RORB: variants seen among roughly 807,000 people sequenced by gnomAD.
RORB encodes the protein RAR related orphan receptor B.
RORB carries 6 observed loss-of-function variants against 59.1 expected under a neutral mutation model. The ratio of observed to expected loss-of-function variants is 0.10; its 90% CI spans 0.06 to 0.20. The LOEUF (loss-of-function observed/expected upper bound fraction) is 0.20. RORB is among the 10% of genes least tolerant of loss of function. RORB has a pLI of 1.00. For missense variants in RORB, 320 were observed against 560.5 expected, an observed-to-expected ratio of 0.57 and a Z score of 4.33; for synonymous variants, 215 against 204.5, an observed-to-expected ratio of 1.05 and a Z score of -0.44.
intron 1 of RORB, among the ~76,000 whole-genome samples, chr9:74,502,647 A>G (rs1415336577): frequency 1.3e-5 from 2 of 152,118 alleles, no homozygotes; most frequent in East Asian, 1.9e-4. Context: ...TAAAAATTAT[A>G]TATGCATGGG....
chr9:74,663,615 A>G (rs1430592972), intron 6 of RORB, among the ~76,000 whole-genome samples: 2 of 152,214 alleles, frequency 1.3e-5, no homozygotes, highest in African/African-American at 2.4e-5. Context: ...TCTCAAAGCT[A>G]CAATTTGGGC....
chr9:74,628,594 C>A (rs1324586826), intron 1 of RORB, among the ~76,000 whole-genome samples: 1 of 151,920 alleles, frequency 6.6e-6, no homozygotes, highest in East Asian at 1.9e-4. Flanking sequence ...ATGTACTGCC[C>A]TAAAGCTAAG....
At chr9:74,642,094 T>G (rs888967594) in intron 3 of RORB, among the ~76,000 whole-genome samples, 9 of 152,208 alleles carry the variant, frequency 5.9e-5, no homozygotes, top group Non-Finnish European at 1.3e-4. Context: ...TTTGGTTTTT[T>G]GCATTTTTTT....
chr9:74,626,986 A>AC (rs1823530178), intron 1 of RORB, among the ~76,000 whole-genome samples: 1 of 151,962 alleles, frequency 6.6e-6, no homozygotes, highest in Admixed American at 6.6e-5. Flanking sequence ...ACATGGTGAA[A>AC]CCCCGTCTCT....
At chr9:74,656,534 G>A (rs1009967710) in intron 4 of RORB, among the ~76,000 whole-genome samples, 1 of 152,162 alleles carries the variant, frequency 6.6e-6, no homozygotes, top group African/African-American at 2.4e-5. Context: ...TCAAGAGTTC[G>A]AGAACAGCCT....
intron 1 of RORB, among the ~76,000 whole-genome samples, chr9:74,588,242 A>G (rs1822836286): frequency 6.6e-6 from 1 of 152,158 alleles, no homozygotes; most frequent in Non-Finnish European, 1.5e-5. Context: ...GTGAGACTCA[A>G]TTTCCTCGCC....
At position 74,665,576 on chromosome 9, in the gene RORB, G is replaced by A; in HGVS notation, c.981G>A (p.Met327Ile). Residue 327 changes from methionine (M) to isoleucine (I), a missense_variant, in exon 7 of 10, where the codon ATG (methionine) becomes ATA (isoleucine). By Grantham distance (10) the Met-to-Ile change is conservative. Coordinates refer to ENST00000376896, the MANE Select transcript of RORB (RefSeq NM_006914.4). ...TVLFEGKYGG[M>I]QMFKALGSDD... ...TGTTTGAAGGAAAATATGGAGGAAT[G>A]CAAATGTTCAAAGCCTTAGGTAAGT... is the stretch of plus-strand genomic sequence containing the variant. The A allele has an allele frequency of 1.2e-6, 2 of 1,611,234 alleles. No homozygotes were observed. Among genetic ancestry groups the A allele is most frequent in the Non-Finnish European group, 1.7e-6 (2 of 1,177,792 alleles).
chr9:74,628,030 C>G (rs1342880963), intron 1 of RORB, among the ~76,000 whole-genome samples: 1 of 152,068 alleles, frequency 6.6e-6, no homozygotes, highest in Non-Finnish European at 1.5e-5. Context: ...CTGTTTGAAC[C>G]TCACAAATCT....
At chr9:74,605,514 G>A (rs1012256388) in intron 1 of RORB, among the ~76,000 whole-genome samples, 6 of 152,084 alleles carry the variant, frequency 3.9e-5, no homozygotes, top group African/African-American at 1.4e-4. Context: ...GAAGTGACCC[G>A]GTGTCTGTCT....
At chr9:74,592,168 G>A (rs993594707) in intron 1 of RORB, among the ~76,000 whole-genome samples, 4 of 152,114 alleles carry the variant, frequency 2.6e-5, no homozygotes, top group Non-Finnish European at 4.4e-5. Flanking sequence ...CACATCCCTA[G>A]AAAATAAACA....
intron 3 of RORB, among the ~76,000 whole-genome samples, chr9:74,641,695 G>A (rs1823808977): frequency 6.6e-6 from 1 of 151,816 alleles, no homozygotes; most frequent in African/African-American, 2.4e-5. Flanking sequence ...GAGGCCAGGA[G>A]TTCAAGACCA....
chr9:74,627,160 C>CAA (rs5898367), intron 1 of RORB, among the ~76,000 whole-genome samples: 16,550 of 132,472 alleles, frequency 0.12, 1,388 homozygotes, highest in East Asian at 0.46. Context: ...GACTCCATCT[C>CAA]AAAAAAAAAA....
intron 1 of RORB, among the ~76,000 whole-genome samples, chr9:74,509,740 TAA>T (rs1389017139): frequency 6.6e-6 from 1 of 152,112 alleles, no homozygotes; most frequent in East Asian, 1.9e-4. Context: ...ACACACTATT[TAA>T]ATCAAAGGCC....
At chr9:74,623,909 G>A (rs561206588) in intron 1 of RORB, among the ~76,000 whole-genome samples, 13 of 152,286 alleles carry the variant, frequency 8.5e-5, no homozygotes, top group African/African-American at 2.9e-4. Flanking sequence ...CTTATAAAGT[G>A]ATTTACTTTG....
At chr9:74,648,477 T>C (rs1381699615) in intron 4 of RORB, among the ~76,000 whole-genome samples, 5 of 152,214 alleles carry the variant, frequency 3.3e-5, no homozygotes, top group African/African-American at 1.2e-4. Flanking sequence ...CCCCTTGTTA[T>C]AGCCACGTCA....
At chr9:74,620,707 A>T (rs548046058) in intron 1 of RORB, among the ~76,000 whole-genome samples, 1 of 152,288 alleles carries the variant, frequency 6.6e-6, no homozygotes, top group South Asian at 2.1e-4. Flanking sequence ...CCCTCTACAC[A>T]CTGCTTTAAA....
chr9:74,595,181 G>A (rs779003181), intron 1 of RORB, among the ~76,000 whole-genome samples: 1 of 152,102 alleles, frequency 6.6e-6, no homozygotes, highest in African/African-American at 2.4e-5. Context: ...CCTACAAACC[G>A]AGACCAATCT....
intron 4 of RORB, among the ~76,000 whole-genome samples, chr9:74,645,706 A>C (rs1823885745): frequency 1.3e-5 from 2 of 152,212 alleles, no homozygotes; most frequent in Non-Finnish European, 2.9e-5. Flanking sequence ...TTAAATTCTC[A>C]TAACAATCCC....
At chr9:74,512,525 C>A (rs1825955814) in intron 1 of RORB, among the ~76,000 whole-genome samples, 1 of 152,124 alleles carries the variant, frequency 6.6e-6, no homozygotes, top group Non-Finnish European at 1.5e-5. Flanking sequence ...TTTTGCCCTG[C>A]AGGAGATCAA....
Sources: allele counts gnomAD v4.1 joint callset (sites outside exome capture counted in the v4.1 genomes callset), GRCh38; gene constraint gnomAD v4.1.1; transcripts MANE v1.5; gene names NCBI Gene and HGNC (gene_info 2026-07-23, HGNC 2026-07-21).